The following WHRN variants were observed in gnomAD, a reference collection of about 807,000 sequenced individuals.
The protein encoded by WHRN is CASK-interacting protein CIP98.
In WHRN, 41 loss-of-function variants were observed where a neutral mutation model predicts 68.3. The ratio of observed to expected loss-of-function variants is 0.60; its 90% CI spans 0.47 to 0.78. The LOEUF is 0.78. Ranked by LOEUF, WHRN falls within the 30% of genes least tolerant of loss-of-function variation. WHRN has a pLI of 0.00. For synonymous variants in WHRN, 560 were observed against 561.3 expected, an observed-to-expected ratio of 1.00 and a Z score of 0.03; for missense variants, 1,243 against 1,244.7, an observed-to-expected ratio of 1.00 and a Z score of 0.02.
At chr9:114,426,503 G>C in intron 3 of WHRN, 90 bp from the exon 4 acceptor site, 1 of 1,484,134 alleles carries the variant, frequency 6.7e-7, no homozygotes, top group Non-Finnish European at 9.3e-7. Flanking sequence ...TTCTCCTCTG[G>C]GCCAGCCTGT....
At position 114,406,876 on chromosome 9, in the gene WHRN, G is replaced by A. The variant is rs763824174; in HGVS notation, c.1715C>T (p.Thr572Ile). The A allele has an allele frequency of 1.3e-6, 2 of 1,580,082 alleles. No individual in the cohort carries two copies. Among genetic ancestry groups the A allele is most frequent in the Admixed American group, 1.9e-5 (1 of 54,042 alleles). ...CTTGAAGCTTGACAGCCCCTGGGAG[G>A]TGGATCTGACATCATCCTGCCAAAA... ...PDVSVDDVRS[T>I]SQGLSSFKPL... Residue 572 changes from threonine (T) to isoleucine (I), a missense_variant, in exon 9 of 12, where the codon ACC becomes ATC. Thr to Ile is a moderately conservative substitution (Grantham distance 89, BLOSUM62 -1). Coordinates refer to ENST00000362057, the MANE Select transcript of WHRN (RefSeq NM_015404.4).
At chr9:114,442,413 G>A (rs571013299) in intron 3 of WHRN, among the ~76,000 whole-genome samples, 2 of 152,320 alleles carry the variant, frequency 1.3e-5, no homozygotes, top group South Asian at 2.1e-4. Context: ...AAAGAGGCAT[G>A]AGATAGACAA....
chr9:114,467,713 AG>A (rs1840843988), intron 2 of WHRN, among the ~76,000 whole-genome samples: 1 of 152,166 alleles, frequency 6.6e-6, no homozygotes, highest in South Asian at 2.1e-4. Flanking sequence ...GGGAAGCTGC[AG>A]GAACATGCAG....
intron 3 of WHRN, among the ~76,000 whole-genome samples, chr9:114,428,370 T>A (rs1471635385): frequency 6.6e-6 from 1 of 152,160 alleles, no homozygotes; most frequent in Non-Finnish European, 1.5e-5. Flanking sequence ...CGCATTTCCA[T>A]CTATTCCAAC....
At position 114,486,886 on chromosome 9, in the gene WHRN, G is replaced by T. The variant is rs930460689; in HGVS notation, c.619-8115C>A. On this transcript the variant is annotated intron_variant, in intron 1 of 11. Transcript: ENST00000362057. Reference sequence around the variant, plus strand: ...CAGGGTAGTTCTGATGATTAAATTAGTGTGTGTGTGTGTGTGTGTAGAGTG... The same window carrying T: ...CAGGGTAGTTCTGATGATTAAATTATTGTGTGTGTGTGTGTGTGTAGAGTG... Among the ~76,000 whole-genome samples, 3 of 1,390 alleles carry T rather than the reference G, an allele frequency of 2.2e-3. 1 individual carries two copies. Among genetic ancestry groups the T allele is most frequent in the African/African-American group, 3.5e-3 (3 of 868 alleles). 0.9% of individuals were successfully genotyped at this position (1,390 alleles called of 152,430 possible).
rs1421160854 is a variant in WHRN, at chr9:114,402,596, T to C, written c.*158A>G. 3.3e-6 allele frequency: 3 copies of C among 922,924 alleles called. No individual in the cohort carries two copies. Among genetic ancestry groups the C allele is most frequent in the Non-Finnish European group, 5.2e-6 (3 of 578,874 alleles). 57.2% of individuals were successfully genotyped at this position (922,924 alleles called of 1,614,324 possible). A position where few individuals can be genotyped will look rare whatever the true frequency, so the allele number is the denominator to read the frequency against. On this transcript the variant is annotated 3_prime_UTR_variant, in exon 12 of 12. Transcript: ENST00000362057. ...TCTGCCTTGTCCTGCTCTCTTCCTC[T>C]CCCAGTTCTGGTCCAGTGGGCTGGG...
chr9:114,426,189 G>A (rs2132404656), intron 4 of WHRN, 22 bp downstream of exon 4: 1 of 1,611,768 alleles, frequency 6.2e-7, no homozygotes, highest in Non-Finnish European at 8.5e-7. Flanking sequence ...TCTGGAGATT[G>A]GAGCGAGCAG....
At chr9:114,425,489 G>GTT (rs1281307334) in intron 4 of WHRN, 3,239 of 298,862 alleles carry the variant, frequency 0.011, 39 homozygotes, top group African/African-American at 0.043. Flanking sequence ...CAGAAATCCA[G>GTT]TTTTTTTTTT....
At chr9:114,473,232 A>G (rs1001021458) in intron 2 of WHRN, among the ~76,000 whole-genome samples, 1 of 152,216 alleles carries the variant, frequency 6.6e-6, no homozygotes, top group Non-Finnish European at 1.5e-5. Context: ...GGAGGGGTGA[A>G]AGGGGCATCT....
At chr9:114,423,222 C>A in intron 7 of WHRN, 92 bp downstream of exon 7, 2 of 1,344,358 alleles carry the variant, frequency 1.5e-6, no homozygotes, top group Non-Finnish European at 2.1e-6. Context: ...AGTGGTGGTG[C>A]TGGGATTCGA....
chr9:114,499,203 C>T (rs937953893), intron 1 of WHRN, among the ~76,000 whole-genome samples: 7 of 152,118 alleles, frequency 4.6e-5, no homozygotes, highest in African/African-American at 1.4e-4. Flanking sequence ...CAGGAATGCA[C>T]GGAAAAAGAA....
chr9:114,413,797 G>T (rs557650088), intron 7 of WHRN, among the ~76,000 whole-genome samples: 1 of 152,254 alleles, frequency 6.6e-6, no homozygotes, highest in Admixed American at 6.5e-5. Flanking sequence ...GGAGCTCTCT[G>T]GGAAGCTTCT....
rs527792225 is a variant in WHRN, at chr9:114,442,966, A to C, written c.964-16553T>G. ...TTTAAACAAAACAAAACAAAAAAAA[A>C]CTTCTAGGTCCAGTCCTTTGTGAGG... On this transcript the variant is annotated intron_variant, in intron 3 of 11. Coordinates refer to ENST00000362057, the MANE Select transcript of WHRN (RefSeq NM_015404.4). Among the ~76,000 whole-genome samples, 23 of 152,324 alleles carry C rather than the reference A, an allele frequency of 1.5e-4. 1 individual carries two copies. In the South Asian group the frequency reaches 4.8e-3, roughly 32 times the overall value.
intron 3 of WHRN, among the ~76,000 whole-genome samples, chr9:114,436,649 T>C (rs997716329): frequency 6.6e-6 from 1 of 151,986 alleles, no homozygotes; most frequent in African/African-American, 2.4e-5. Context: ...GCCAACATGG[T>C]GAAACCCCGT....
At chr9:114,449,383 C>T (rs1470866363) in intron 3 of WHRN, among the ~76,000 whole-genome samples, 4 of 152,230 alleles carry the variant, frequency 2.6e-5, no homozygotes, top group African/African-American at 7.2e-5. Flanking sequence ...CCTGAGCACA[C>T]GAACAAATGA....
chr9:114,503,346 G>A (rs1844101683), intron 1 of WHRN: 1 of 262,392 alleles, frequency 3.8e-6, no homozygotes, highest in Non-Finnish European at 5.9e-6. Flanking sequence ...GGGGAGGGGG[G>A]AAGGGGGAAA....
intron 7 of WHRN, among the ~76,000 whole-genome samples, chr9:114,408,618 G>A (rs940207002): frequency 1.3e-5 from 2 of 152,358 alleles, no homozygotes; most frequent in East Asian, 1.9e-4. Context: ...GGGGCCCATC[G>A]GAGCTCCTCT....
intron 3 of WHRN, among the ~76,000 whole-genome samples, chr9:114,458,646 T>G (rs781621916): frequency 2.0e-5 from 3 of 152,172 alleles, no homozygotes; most frequent in Non-Finnish European, 4.4e-5. Flanking sequence ...TTCCTGTTGT[T>G]GGAGCACTGC....
At chr9:114,439,681 A>ATG (rs1306831141) in intron 3 of WHRN, among the ~76,000 whole-genome samples, 1 of 151,954 alleles carries the variant, frequency 6.6e-6, no homozygotes, top group Non-Finnish European at 1.5e-5. Context: ...TGTGTATTAT[A>ATG]TGTATACAGT....
Sources: allele counts gnomAD v4.1 joint callset (sites outside exome capture counted in the v4.1 genomes callset), GRCh38; gene constraint gnomAD v4.1.1; transcripts MANE v1.5; gene names NCBI Gene and HGNC (gene_info 2026-07-23, HGNC 2026-07-21).